ADGRL3: variants seen among roughly 807,000 people sequenced by gnomAD.
ADGRL3 encodes the protein calcium-independent alpha-latrotoxin receptor 3.
A neutral mutation model predicts 153.5 loss-of-function variants in ADGRL3; 62 were observed. The ratio of observed to expected loss-of-function variants is 0.40; its 90% CI spans 0.33 to 0.50. The LOEUF (loss-of-function observed/expected upper bound fraction) is 0.50. Ranked by LOEUF, ADGRL3 falls within the 20% of genes least tolerant of loss-of-function variation. The probability of loss-of-function intolerance (pLI) is 0.47; values close to 1 mark genes in which losing one functional copy is unlikely to be tolerated. For missense variants in ADGRL3, 1,641 were observed against 1,859.4 expected (o/e 0.88, Z 2.16); for synonymous variants, 710 against 672.5 (o/e 1.06, Z -0.86).
chr4:61,605,533 T>G lies in ADGRL3; in HGVS notation c.473+18093T>G, dbSNP rs2099029235. On this transcript the variant is annotated intron_variant, in intron 5 of 26. Coordinates refer to ENST00000683033, the MANE Select transcript of ADGRL3 (RefSeq NM_001387552.1). Reference sequence around the variant, plus strand: ...TCAGAATAAGTGCAAGAATATACACTCTAATTAATTATTCCATATTCTATG... The same window carrying G: ...TCAGAATAAGTGCAAGAATATACACGCTAATTAATTATTCCATATTCTATG... 2.0e-5 allele frequency among the ~76,000 whole-genome samples: 3 copies of G among 152,166 alleles called. 1 individual carries two copies. The highest frequency in any genetic ancestry group is 2.0e-4 in the Admixed American group (3 of 15,272).
At position 61,871,055 on chromosome 4, in the gene ADGRL3, A is replaced by C. The variant is rs28874386; in HGVS notation, c.1481-21601A>C. Among the ~76,000 whole-genome samples the C allele has an allele frequency of 4.7e-4, 72 of 152,186 alleles. 1 individual carries two copies. Among genetic ancestry groups the C allele is most frequent in the African/African-American group, 1.7e-3 (69 of 41,516 alleles). On this transcript the variant is annotated intron_variant, in intron 9 of 26. Coordinates refer to ENST00000683033, the MANE Select transcript of ADGRL3 (RefSeq NM_001387552.1). ...GCTCTTTGGGAGGCCAAGGCGGGCG[A>C]ATCACGAGGTCAGGAGATCGAGACC...
chr4:61,754,419 G>T (rs1561187404), intron 8 of ADGRL3, among the ~76,000 whole-genome samples: 1 of 151,986 alleles, frequency 6.6e-6, no homozygotes, highest in East Asian at 1.9e-4. Context: ...GAGAGAAAAA[G>T]AGAAGAAGTT....
In ADGRL3 at chr4:61,218,628, A is replaced by G. The variant is rs115670134; in HGVS notation, c.-240+16863A>G. Among the ~76,000 whole-genome samples, 457 of 152,268 alleles carry G rather than the reference A, an allele frequency of 3.0e-3. 4 individuals carry two copies. The highest frequency in any genetic ancestry group is 0.01 in the African/African-American group (435 of 41,552). On this transcript the variant is annotated intron_variant, in intron 1 of 26. Transcript: ENST00000683033. ...ATAAGCCACTAGTGTGCCCAGCTTG[A>G]GTGCTTCTCATGCGACACAGTTAAA...
At chr4:61,668,652 G>T (rs1187235164) in intron 5 of ADGRL3, among the ~76,000 whole-genome samples, 1 of 152,166 alleles carries the variant, frequency 6.6e-6, no homozygotes, top group African/African-American at 2.4e-5. Context: ...TCATTTACAT[G>T]CATTGGCATA....
intron 6 of ADGRL3, among the ~76,000 whole-genome samples, chr4:61,700,003 A>G (rs1396444638): frequency 6.6e-6 from 1 of 151,932 alleles, no homozygotes; most frequent in East Asian, 1.9e-4. Context: ...GAGAGAAGAC[A>G]TATGTATGTC....
Position 61,368,419 on chromosome 4 carries a change from G to A in ADGRL3, c.-239-14705G>A, listed in dbSNP as rs552581844. On this transcript the variant is annotated intron_variant, in intron 1 of 26. Transcript: ENST00000683033. ...TGATTTTTGTATAAGGTGTAAGGAA[G>A]GGATCCAGTTTCAGCTTTTCTACAT... 3.2e-3 allele frequency among the ~76,000 whole-genome samples: 483 copies of A among 152,280 alleles called. 5 individuals are homozygous for A. Among genetic ancestry groups the A allele is most frequent in the African/African-American group, 0.01 (432 of 41,560 alleles).
chr4:62,064,074 A>G (rs1741653702), intron 25 of ADGRL3, among the ~76,000 whole-genome samples: 1 of 152,142 alleles, frequency 6.6e-6, no homozygotes. Context: ...CACTCTGAGC[A>G]CAAACCATTA....
At chr4:61,371,794 G>T (rs1005504933) in intron 1 of ADGRL3, among the ~76,000 whole-genome samples, 8 of 152,082 alleles carry the variant, frequency 5.3e-5, no homozygotes, top group African/African-American at 1.7e-4. Context: ...CTAGATTGGG[G>T]AAATTCTCCT....
chr4:61,505,655 AT>A (rs2098423283), intron 3 of ADGRL3, among the ~76,000 whole-genome samples: 2 of 152,030 alleles, frequency 1.3e-5, no homozygotes, highest in Non-Finnish European at 2.9e-5. Flanking sequence ...AATTATAAAT[AT>A]TGAGTCTTTC....
chr4:61,773,935 G>A (rs999867374), intron 8 of ADGRL3, among the ~76,000 whole-genome samples: 2 of 152,132 alleles, frequency 1.3e-5, no homozygotes, highest in African/African-American at 2.4e-5. Context: ...AAATATATGC[G>A]GGAAACTAAT....
chr4:61,246,626 T>C (rs568350518), intron 1 of ADGRL3, among the ~76,000 whole-genome samples: 2 of 151,898 alleles, frequency 1.3e-5, no homozygotes, highest in South Asian at 2.1e-4. Context: ...TTTTGTTACA[T>C]TATAATTTTA....
At position 61,948,156 on chromosome 4, in the gene ADGRL3, A is replaced by G; in HGVS notation, c.2685A>G (p.Thr895=). 1 of 1,613,806 alleles carries G rather than the reference A, an allele frequency of 6.2e-7. No individual in the cohort carries two copies. Among genetic ancestry groups the G allele is most frequent in the Non-Finnish European group, 8.5e-7 (1 of 1,179,832 alleles). The change falls in exon 17 of 27, where the codon ACA becomes ACG. Residue 895 remains threonine (T), a synonymous_variant. Transcript: ENST00000683033. ...NCSFWSYSKR[T]MTGYWSTQGC... ...CATTTTGGAGCTACTCCAAGCGTAC[A>G]ATGACAGGTTATTGGTCAACACAAG...
At chr4:61,889,297 G>A (rs2098556535) in intron 9 of ADGRL3, among the ~76,000 whole-genome samples, 1 of 152,222 alleles carries the variant, frequency 6.6e-6, no homozygotes, top group Admixed American at 6.5e-5. Context: ...AGAACACATT[G>A]CAGGATGTGC....
chr4:61,394,216 A>C (rs2096844343), intron 2 of ADGRL3, among the ~76,000 whole-genome samples: 1 of 152,048 alleles, frequency 6.6e-6, no homozygotes, highest in Admixed American at 6.6e-5. Context: ...AAACAAGAGG[A>C]AATTTAAGGA....
In ADGRL3 at chr4:61,873,859, G is replaced by A. The variant is rs573215899; in HGVS notation, c.1481-18797G>A. Among the ~76,000 whole-genome samples the A allele has an allele frequency of 2.0e-5, 3 of 151,940 alleles. No homozygotes were observed. The South Asian group carries it at 6.2e-4, about 32-fold the overall frequency. On this transcript the variant is annotated intron_variant, in intron 9 of 26. Coordinates refer to ENST00000683033, the MANE Select transcript of ADGRL3 (RefSeq NM_001387552.1). ...CTGGCATCTAGTGTGTAGAGTCCAT[G>A]GTTGTTGCTAAACATCCTACAATGC... is the stretch of plus-strand genomic sequence containing the variant.
intron 2 of ADGRL3, among the ~76,000 whole-genome samples, chr4:61,485,919 T>C (rs1263663111): frequency 6.6e-6 from 1 of 151,962 alleles, no homozygotes; most frequent in Non-Finnish European, 1.5e-5. Flanking sequence ...GAATGCTTTT[T>C]TTTTTTTGTT....
intron 1 of ADGRL3, among the ~76,000 whole-genome samples, chr4:61,307,896 A>G (rs2094852251): frequency 6.6e-6 from 1 of 152,166 alleles, no homozygotes. Context: ...TTCTCAACTA[A>G]TTGGAAAATT....
At chr4:61,370,416 T>G (rs1276433878) in intron 1 of ADGRL3, among the ~76,000 whole-genome samples, 1 of 151,826 alleles carries the variant, frequency 6.6e-6, no homozygotes, top group Non-Finnish European at 1.5e-5. Context: ...TCCCAGAGAT[T>G]CTGGTATGTT....
At chr4:61,903,406 G>A (rs1256561549) in intron 11 of ADGRL3, among the ~76,000 whole-genome samples, 4 of 151,814 alleles carry the variant, frequency 2.6e-5, no homozygotes, top group South Asian at 2.1e-4. Context: ...TATGCACCTC[G>A]TCCCAAGCCC....
Sources: allele counts gnomAD v4.1 joint callset (sites outside exome capture counted in the v4.1 genomes callset), GRCh38; gene constraint gnomAD v4.1.1; transcripts MANE v1.5; gene names NCBI Gene and HGNC (gene_info 2026-07-23, HGNC 2026-07-21).